The following SLC6A6 variants were observed in gnomAD, a reference collection of about 807,000 sequenced individuals.
The protein encoded by SLC6A6 is solute carrier family 6 member 6.
Under a neutral mutation model 68.8 loss-of-function variants are expected in SLC6A6, and 16 were observed. The observed-to-expected ratio is 0.23, with a 90% CI of 0.16 to 0.35. SLC6A6 has a LOEUF of 0.35. Ranked by LOEUF, SLC6A6 falls within the 10% of genes least tolerant of loss-of-function variation. The probability of loss-of-function intolerance (pLI) is 1.00; values close to 1 mark genes in which losing one functional copy is unlikely to be tolerated. For missense variants in SLC6A6, 474 were observed against 802.8 expected, an observed-to-expected ratio of 0.59 and a Z score of 4.95; for synonymous variants, 312 against 315.4, an observed-to-expected ratio of 0.99 and a Z score of 0.12.
At chr3:14,457,704 T>C (rs1700400380) in intron 5 of SLC6A6, among the ~76,000 whole-genome samples, 1 of 152,242 alleles carries the variant, frequency 6.6e-6, no homozygotes, top group African/African-American at 2.4e-5. Context: ...TTAACTTGCC[T>C]GAGGCCAGAC....
Position 14,467,842 on chromosome 3 carries a change from C to A in SLC6A6, c.868-11C>A, listed in dbSNP as rs1412047351. 4 of 1,572,004 alleles carry A rather than the reference C, an allele frequency of 2.5e-6. No individual in the cohort carries two copies. The highest frequency in any genetic ancestry group is 2.2e-5 in the East Asian group (1 of 44,626). ...TCCTCTCTTTCCTTGCCACCTCCCT[C>A]CCCCTCATAGGTGTGGATTGACGCT... On this transcript the variant is annotated splice_polypyrimidine_tract_variant and intron_variant, in intron 7 of 14. Transcript: ENST00000622186.
intron 2 of SLC6A6, among the ~76,000 whole-genome samples, chr3:14,417,502 T>G (rs185525666): frequency 6.6e-6 from 1 of 151,992 alleles, no homozygotes; most frequent in Non-Finnish European, 1.5e-5. Context: ...GAGGCCAAGG[T>G]GGGCAGATCA....
intron 2 of SLC6A6, among the ~76,000 whole-genome samples, chr3:14,420,482 C>G (rs1462082978): frequency 6.7e-6 from 1 of 148,976 alleles, no homozygotes; most frequent in Non-Finnish European, 1.5e-5. Context: ...TCTTGTAAAC[C>G]ACTCTGCTTT....
intron 10 of SLC6A6, among the ~76,000 whole-genome samples, chr3:14,475,097 C>G (rs1235073180): frequency 6.6e-6 from 1 of 152,206 alleles, no homozygotes; most frequent in African/African-American, 2.4e-5. Flanking sequence ...AGTGGCGCAG[C>G]CTTGGCCCAC....
At chr3:14,422,471 T>C (rs1197918773) in intron 2 of SLC6A6, among the ~76,000 whole-genome samples, 1 of 152,190 alleles carries the variant, frequency 6.6e-6, no homozygotes, top group Non-Finnish European at 1.5e-5. Context: ...TAGGAGCCGA[T>C]GCCCTGGTGC....
At chr3:14,410,808 C>T (rs904217799) in intron 1 of SLC6A6, among the ~76,000 whole-genome samples, 2 of 152,194 alleles carry the variant, frequency 1.3e-5, no homozygotes, top group Admixed American at 1.3e-4. Flanking sequence ...AGTGGAAAGT[C>T]CTTAACCCAA....
At position 14,450,995 on chromosome 3, in the gene SLC6A6, T is replaced by C. The variant is rs1700238709; in HGVS notation, c.599+3179T>C. Among the ~76,000 whole-genome samples the C allele has an allele frequency of 6.6e-6, 1 of 152,202 alleles. No homozygotes were observed. On this transcript the variant is annotated intron_variant, in intron 5 of 14. Transcript: ENST00000622186. The surrounding 1 kb of genome is among the most constrained non-coding windows in gnomAD (Gnocchi z 4.1). ...TCTTCTTGGCTCCCCCTTCAGAGTA[T>C]ACCTACAATCTGAGCACTGTCCCCA...
Position 14,481,897 on chromosome 3 carries a change from T to C in SLC6A6, c.1722+56T>C. ...TGGGAGGCGCGAGGCCAAAGGTGAT[T>C]GTTGTCAGTTTGCTGCGTGATCTCA... is the stretch of plus-strand genomic sequence containing the variant. On this transcript the variant is annotated intron_variant, in intron 14 of 14. Transcript: ENST00000622186. This position sits in a 1 kb window ranked among gnomAD's most constrained non-coding sequence, Gnocchi z 4.7. 1 of 1,481,024 alleles carries C rather than the reference T, an allele frequency of 6.8e-7. No individual in the cohort carries two copies. The allele number at this position is 1,481,024 out of a possible 1,614,324, so 91.7% of individuals were successfully genotyped here.
At chr3:14,437,505 A>G (rs562792679) in intron 2 of SLC6A6, among the ~76,000 whole-genome samples, 59 of 152,316 alleles carry the variant, frequency 3.9e-4, no homozygotes, top group Admixed American at 1.0e-3. Flanking sequence ...AAAATTGTAT[A>G]TATTTATGGT....
At chr3:14,415,008 G>A (rs528550208) in intron 1 of SLC6A6, among the ~76,000 whole-genome samples, 92 of 152,258 alleles carry the variant, frequency 6.0e-4, no homozygotes, top group African/African-American at 2.1e-3. Context: ...CAAGGTTTAC[G>A]TTGCTACTTC....
chr3:14,435,411 G>A (rs1699829898), intron 2 of SLC6A6, among the ~76,000 whole-genome samples: 1 of 152,162 alleles, frequency 6.6e-6, no homozygotes, highest in South Asian at 2.1e-4. Context: ...TCAGGAGAGG[G>A]GAGGACCTCA....
At chr3:14,444,931 A>T in intron 3 of SLC6A6, 1 of 442,436 alleles carries the variant, frequency 2.3e-6, no homozygotes, top group Admixed American at 2.4e-5. Flanking sequence ...CCCACCGGAG[A>T]TGCCTACCCT....
intron 5 of SLC6A6, chr3:14,448,059 C>T: frequency 1.6e-6 from 2 of 1,225,678 alleles, no homozygotes; most frequent in Non-Finnish European, 2.2e-6. Flanking sequence ...GTTTCTTTAC[C>T]TGTAAGATAA....
intron 9 of SLC6A6, among the ~76,000 whole-genome samples, chr3:14,469,348 T>C (rs987580608): frequency 2.6e-5 from 4 of 152,062 alleles, no homozygotes; most frequent in African/African-American, 7.2e-5. Context: ...GGGACCACCA[T>C]AGACTAGGGC....
intron 13 of SLC6A6, among the ~76,000 whole-genome samples, chr3:14,480,560 G>A (rs754992477): frequency 3.3e-5 from 5 of 152,230 alleles, no homozygotes; most frequent in African/African-American, 9.6e-5. Context: ...ACGTAGGGAC[G>A]GGAACAACAG....
At chr3:14,404,265 G>A (rs1046358205) in intron 1 of SLC6A6, among the ~76,000 whole-genome samples, 3 of 152,114 alleles carry the variant, frequency 2.0e-5, no homozygotes, top group Admixed American at 6.6e-5. Context: ...GAGAGAGAGC[G>A]GGTGAGTGCT....
At chr3:14,454,660 C>T (rs73815290) in intron 5 of SLC6A6, among the ~76,000 whole-genome samples, 5,553 of 152,172 alleles carry the variant, frequency 0.036, 319 homozygotes, top group African/African-American at 0.13. Flanking sequence ...TCACGTGGCC[C>T]GTTATAAAGC....
rs566765821 is a variant in SLC6A6 at position 14,429,332 on chromosome 3, C to T, written c.-12+12879C>T. Among the ~76,000 whole-genome samples the T allele has an allele frequency of 2.6e-5, 4 of 152,306 alleles. No individual in the cohort carries two copies. The East Asian group carries it at 7.7e-4, about 29-fold the overall frequency. On this transcript the variant is annotated intron_variant, in intron 2 of 14. Transcript: ENST00000622186. Reference sequence around the variant, plus strand: ...GGGCCAAGGTCTTCATCTGCCAGGGCCTGGTGAGGAGCAGCAGCAATAGGG... The same window carrying T: ...GGGCCAAGGTCTTCATCTGCCAGGGTCTGGTGAGGAGCAGCAGCAATAGGG...
intron 1 of SLC6A6, among the ~76,000 whole-genome samples, chr3:14,406,733 G>A (rs911716989): frequency 6.6e-6 from 1 of 152,202 alleles, no homozygotes; most frequent in African/African-American, 2.4e-5. Flanking sequence ...CCAAGGGTGG[G>A]AGTTAGGGTT....
Sources: allele counts gnomAD v4.1 joint callset (sites outside exome capture counted in the v4.1 genomes callset), GRCh38; gene constraint gnomAD v4.1.1; non-coding constraint Gnocchi (gnomAD v3.1); transcripts MANE v1.5; gene names NCBI Gene and HGNC (gene_info 2026-07-23, HGNC 2026-07-21).